Variants in NLGN4Y observed in about 807,000 individuals in gnomAD.
NLGN4Y encodes the protein neuroligin-4, Y-linked.
In NLGN4Y, 4 loss-of-function variants were observed where a neutral mutation model predicts 8.4. The ratio of observed to expected loss-of-function variants is 0.48; its 90% CI spans 0.23 to 1.09. The LOEUF is 1.09. NLGN4Y is among the 50% of genes least tolerant of loss of function. The probability of loss-of-function intolerance (pLI) is 0.19; values close to 1 mark genes in which losing one functional copy is unlikely to be tolerated. For missense variants in NLGN4Y, 90 were observed against 192.3 expected (o/e 0.47, Z 3.15); for synonymous variants, 35 against 75.6 (o/e 0.46, Z 2.78).
At chrY:14,730,706 T>G in intron 4 of NLGN4Y, among the ~76,000 whole-genome samples, 2 of 33,413 alleles carry the variant, frequency 6.0e-5, no homozygotes, top group Admixed American at 5.6e-4. Context: ...TCACTCATGA[T>G]ACTGAGTTCC....
intron 5 of NLGN4Y, among the ~76,000 whole-genome samples, chrY:14,826,384 G>A (rs2043146486): frequency 4.4e-5 from 1 of 22,977 alleles, no homozygotes; most frequent in Non-Finnish European, 9.5e-5. Flanking sequence ...CTGTCACTCA[G>A]GCAGGAGTGC....
At chrY:14,821,030 C>T (rs1603504361) in intron 4 of NLGN4Y, among the ~76,000 whole-genome samples, 1 of 33,848 alleles carries the variant, frequency 3.0e-5, no homozygotes, top group African/African-American at 1.2e-4. Flanking sequence ...CCAGCAGCCA[C>T]GCTAGTTGCT....
chrY:14,746,302 C>T (rs757056944), intron 4 of NLGN4Y, among the ~76,000 whole-genome samples: 1 of 33,644 alleles, frequency 3.0e-5, no homozygotes, highest in East Asian at 8.1e-4. Context: ...TTGACCCTCA[C>T]ATGGTTTCCA....
intron 1 of NLGN4Y, among the ~76,000 whole-genome samples, chrY:14,588,655 T>C: frequency 5.9e-5 from 2 of 33,773 alleles, no homozygotes; most frequent in African/African-American, 1.2e-4. Flanking sequence ...TTGTACTTTC[T>C]CAAACACATA....
intron 2 of NLGN4Y, among the ~76,000 whole-genome samples, chrY:14,629,497 T>C: frequency 3.0e-5 from 1 of 33,446 alleles, no homozygotes; most frequent in South Asian, 6.6e-4. Flanking sequence ...AGAAATCAGA[T>C]TGGGAGAAGG....
intron 4 of NLGN4Y, among the ~76,000 whole-genome samples, chrY:14,813,195 G>T (rs2043089014): frequency 3.0e-5 from 1 of 32,820 alleles, no homozygotes; most frequent in Non-Finnish European, 7.4e-5. Flanking sequence ...AACTTTCTGA[G>T]CTCAGAATTT....
intron 1 of NLGN4Y, among the ~76,000 whole-genome samples, chrY:14,543,485 A>G: frequency 3.0e-5 from 1 of 33,714 alleles, no homozygotes; most frequent in South Asian, 6.7e-4. Flanking sequence ...ATTTTCCATA[A>G]TGCTCAGTCT....
intron 4 of NLGN4Y, among the ~76,000 whole-genome samples, chrY:14,752,480 A>T (rs2081044738): frequency 3.0e-5 from 1 of 33,285 alleles, no homozygotes; most frequent in Admixed American, 2.8e-4. Flanking sequence ...GGCTGATTGG[A>T]CATCTTTAAA....
At chrY:14,778,438 G>T in intron 4 of NLGN4Y, among the ~76,000 whole-genome samples, 1 of 33,891 alleles carries the variant, frequency 3.0e-5, no homozygotes, top group Non-Finnish European at 7.3e-5. Context: ...TCTGGGACTT[G>T]CATGGGGCGT....
intron 4 of NLGN4Y, among the ~76,000 whole-genome samples, chrY:14,776,649 T>A (rs2081127230): frequency 3.1e-5 from 1 of 32,463 alleles, no homozygotes; most frequent in Non-Finnish European, 7.5e-5. Context: ...GCAAATAAAC[T>A]ACACTAGCAG....
chrY:14,751,986 C>T, intron 4 of NLGN4Y, among the ~76,000 whole-genome samples: 1 of 33,138 alleles, frequency 3.0e-5, no homozygotes, highest in Non-Finnish European at 7.4e-5. Context: ...AGTTTACACA[C>T]TTTACCATAA....
chrY:14,650,571 C>A (rs751733237), intron 2 of NLGN4Y, among the ~76,000 whole-genome samples: 36 of 33,774 alleles, frequency 1.1e-3, no homozygotes, highest in African/African-American at 3.9e-3. Context: ...ATTGTTCATG[C>A]AGACATTTTT....
chrY:14,596,138 G>A, intron 1 of NLGN4Y, among the ~76,000 whole-genome samples: 1 of 33,341 alleles, frequency 3.0e-5, no homozygotes, highest in South Asian at 6.8e-4. Context: ...CTTATAGGAA[G>A]GATACAATTT....
At chrY:14,552,312 G>T (rs758348766) in intron 1 of NLGN4Y, among the ~76,000 whole-genome samples, 3 of 33,378 alleles carry the variant, frequency 9.0e-5, no homozygotes, top group Admixed American at 5.4e-4. Context: ...AAAAGCACAG[G>T]ACCAGAAGGA....
chrY:14,584,455 T>C (rs977002381), intron 1 of NLGN4Y, among the ~76,000 whole-genome samples: 21 of 33,181 alleles, frequency 6.3e-4, no homozygotes, highest in Non-Finnish European at 9.6e-4. Context: ...TCAGGGCAGG[T>C]CTTCCAAGGG....
At chrY:14,677,943 T>A in intron 2 of NLGN4Y, among the ~76,000 whole-genome samples, 1 of 32,439 alleles carries the variant, frequency 3.1e-5, no homozygotes, top group Non-Finnish European at 7.5e-5. Flanking sequence ...CAGTATGGTA[T>A]CAAATTTCTG....
intron 1 of NLGN4Y, among the ~76,000 whole-genome samples, chrY:14,596,923 G>A: frequency 6.1e-5 from 2 of 32,905 alleles, no homozygotes; most frequent in African/African-American, 1.2e-4. Context: ...AAGTCCCTTC[G>A]TGGTCACCAA....
Position 14,678,974 on chromosome Y carries a change from C to T in NLGN4Y, c.473-40485C>T, listed in dbSNP as rs768708251. ...CAGCCTGGGCAACATAATGAAACTACTGTCTCTACAATATAGTTTTTTTCT... is the reference window on the plus strand; with the variant it reads ...CAGCCTGGGCAACATAATGAAACTATTGTCTCTACAATATAGTTTTTTTCT... On this transcript the variant is annotated intron_variant, in intron 2 of 6. Transcript: ENST00000684976. Among the ~76,000 whole-genome samples, 4 of 31,488 alleles carry T rather than the reference C, an allele frequency of 1.3e-4. No homozygotes were observed. The South Asian group carries it at 3.0e-3, about 23-fold the overall frequency. 84.5% of individuals were successfully genotyped at this position (31,488 alleles called of 37,273 possible).
At chrY:14,606,058 G>T in intron 1 of NLGN4Y, among the ~76,000 whole-genome samples, 1 of 32,931 alleles carries the variant, frequency 3.0e-5, no homozygotes, top group African/African-American at 1.2e-4. Context: ...TCCCACTCAG[G>T]TACCCTAAAA....
Sources: allele counts gnomAD v4.1 joint callset (sites outside exome capture counted in the v4.1 genomes callset), GRCh38; gene constraint gnomAD v4.1.1; transcripts MANE v1.5; gene names NCBI Gene and HGNC (gene_info 2026-07-23, HGNC 2026-07-21).